MAP3K20: variants seen among roughly 807,000 people sequenced by gnomAD.
MAP3K20 encodes HCCS-4.
Under a neutral mutation model 85.7 loss-of-function variants are expected in MAP3K20, and 40 were observed. That is an observed-to-expected ratio of 0.47 (90% confidence interval 0.36 to 0.61). The LOEUF is 0.61. MAP3K20 is among the 20% of genes least tolerant of loss of function. MAP3K20 has a pLI of 0.00. For missense variants in MAP3K20, 817 were observed against 961.7 expected (o/e 0.85, Z 1.99); for synonymous variants, 325 against 327.7 (o/e 0.99, Z 0.09).
At chr2:173,104,334 T>C (rs1384477612) in intron 2 of MAP3K20, among the ~76,000 whole-genome samples, 2 of 152,102 alleles carry the variant, frequency 1.3e-5, no homozygotes, top group Non-Finnish European at 2.9e-5. Flanking sequence ...ATGAGGAAAA[T>C]ATCAGGCAAA....
chr2:173,121,756 G>A (rs948164670), intron 2 of MAP3K20, among the ~76,000 whole-genome samples: 24 of 144,110 alleles, frequency 1.7e-4, no homozygotes, highest in African/African-American at 4.7e-4. Flanking sequence ...CCGCCCACCC[G>A]CCACCATCAC....
intron 10 of MAP3K20, chr2:173,210,042 T>A (rs1664327243): frequency 3.5e-6 from 2 of 563,608 alleles, no homozygotes; most frequent in Non-Finnish European, 3.1e-6. Context: ...GCTTGTTGCC[T>A]TGTGTAAGTA....
chr2:173,165,214 GC>G (rs1485777697), intron 2 of MAP3K20, among the ~76,000 whole-genome samples: 1 of 151,700 alleles, frequency 6.6e-6, no homozygotes, highest in African/African-American at 2.4e-5. Flanking sequence ...TTCGAGACCA[GC>G]CTGGCCAACA....
At position 173,187,623 on chromosome 2, in the gene MAP3K20, G is replaced by A. The variant is rs1278441322; in HGVS notation, c.415G>A (p.Val139Ile). Residue 139 changes from valine (V) to isoleucine (I), a missense_variant and splice_region_variant, in exon 5 of 20, where the codon GTT becomes ATT. Val to Ile is a conservative substitution (Grantham distance 29). This residue lies in a region of MAP3K20 where 200 missense variants were observed against 302.7 expected (regional missense o/e 0.66). Transcript: ENST00000375213. ...TCACAGAGACCTCAAGTCAAGAAACGGTAATGTAGTTATGTTTTTATTTTA... is the reference window on the plus strand; with the variant it reads ...TCACAGAGACCTCAAGTCAAGAAACAGTAATGTAGTTATGTTTTTATTTTA... The part of the protein sequence containing the change: ...VIHRDLKSRN[V>I]VIAADGVLKI... 2.5e-6 allele frequency: 4 copies of A among 1,604,440 alleles called. No homozygotes were observed. Among genetic ancestry groups the A allele is most frequent in the East Asian group, 2.2e-5 (1 of 44,458 alleles).
chr2:173,139,888 C>A (rs1180027087), intron 2 of MAP3K20, among the ~76,000 whole-genome samples: 1 of 148,080 alleles, frequency 6.8e-6, no homozygotes, highest in Admixed American at 6.7e-5. Context: ...ATATTTACTT[C>A]CTAGATTTTA....
intron 2 of MAP3K20, among the ~76,000 whole-genome samples, chr2:173,092,881 A>G (rs1013971328): frequency 6.6e-6 from 1 of 152,172 alleles, no homozygotes; most frequent in African/African-American, 2.4e-5. Context: ...GAAAGCAGGA[A>G]TTGGAAACTG....
intron 1 of MAP3K20, among the ~76,000 whole-genome samples, chr2:173,089,185 A>G (rs1485025110): frequency 6.7e-6 from 1 of 150,246 alleles, no homozygotes; most frequent in Non-Finnish European, 1.5e-5. Context: ...TTTTTATTTA[A>G]AAAAAAAAAA....
intron 2 of MAP3K20, among the ~76,000 whole-genome samples, chr2:173,143,074 A>G (rs1689024412): frequency 6.6e-6 from 1 of 152,174 alleles, no homozygotes; most frequent in African/African-American, 2.4e-5. Flanking sequence ...ACCCAACTAT[A>G]TGCTATCTAC....
intron 4 of MAP3K20, among the ~76,000 whole-genome samples, chr2:173,183,546 C>T (rs575871091): frequency 6.6e-6 from 1 of 152,130 alleles, no homozygotes; most frequent in African/African-American, 2.4e-5. Flanking sequence ...CTCATACATT[C>T]TTGCATAGAT....
chr2:173,263,870 C>A lies in MAP3K20; in HGVS notation c.1677C>A (p.Gly559=). The A allele has an allele frequency of 1.2e-6, 2 of 1,611,960 alleles. No individual in the cohort carries two copies. Among genetic ancestry groups the A allele is most frequent in the South Asian group, 2.2e-5 (2 of 90,466 alleles). ...AIQTLFTNSD[G]NPGSRSDSSA... Reference sequence around the variant, plus strand: ...AGACATTATTCACCAATTCAGATGGCAACCCTGGAAGCAGGTCCGACTCAA... The same window carrying A: ...AGACATTATTCACCAATTCAGATGGAAACCCTGGAAGCAGGTCCGACTCAA... Residue 559 remains glycine, a synonymous_variant, in exon 19 of 20, where the codon GGC becomes GGA. Coordinates refer to ENST00000375213, the MANE Select transcript of MAP3K20 (RefSeq NM_016653.3).
chr2:173,155,274 G>C (rs1200101905), intron 2 of MAP3K20, among the ~76,000 whole-genome samples: 1 of 152,178 alleles, frequency 6.6e-6, no homozygotes, highest in Non-Finnish European at 1.5e-5. Flanking sequence ...GTAATCTATT[G>C]AGGATGAAAA....
chr2:173,264,976 A>T lies in MAP3K20; in HGVS notation c.1703-1074A>T, dbSNP rs149475725. ...GTGAATATACTAACACTACTGAACT[A>T]GAGGCTTAAAAATGGCTAAGATGGA... On this transcript the variant is annotated intron_variant, in intron 19 of 19. Transcript: ENST00000375213. Among the ~76,000 whole-genome samples the T allele has an allele frequency of 2.0e-5, 3 of 152,352 alleles. No individual in the cohort carries two copies. In the East Asian group the frequency reaches 5.8e-4, roughly 29 times the overall value.
chr2:173,142,345 G>A (rs1353901453), intron 2 of MAP3K20, among the ~76,000 whole-genome samples: 1 of 152,042 alleles, frequency 6.6e-6, no homozygotes, highest in East Asian at 1.9e-4. Flanking sequence ...GGTGGTGGGT[G>A]CCTGTAGTCC....
At chr2:173,230,366 C>G (rs1253370883) in intron 12 of MAP3K20, among the ~76,000 whole-genome samples, 1 of 152,132 alleles carries the variant, frequency 6.6e-6, no homozygotes, top group Non-Finnish European at 1.5e-5. Flanking sequence ...GGCCTCGAGC[C>G]ATGGTAGAGG....
chr2:173,103,697 G>A (rs570821600), intron 2 of MAP3K20, among the ~76,000 whole-genome samples: 215 of 152,282 alleles, frequency 1.4e-3, no homozygotes, highest in African/African-American at 5.1e-3. Flanking sequence ...AACACTTCCA[G>A]TTTTATCTTG....
intron 11 of MAP3K20, chr2:173,227,081 T>C: frequency 1.0e-6 from 1 of 985,902 alleles, no homozygotes; most frequent in Non-Finnish European, 1.2e-6. Context: ...TTCATTTTGA[T>C]GTGAACTTTT....
intron 8 of MAP3K20, among the ~76,000 whole-genome samples, chr2:173,199,901 A>G (rs1314005195): frequency 1.3e-5 from 2 of 152,182 alleles, no homozygotes; most frequent in Non-Finnish European, 2.9e-5. Context: ...ATCACCCATG[A>G]ATAACCTTCA....
chr2:173,222,426 T>C (rs1684277326), intron 11 of MAP3K20: 2 of 985,850 alleles, frequency 2.0e-6, no homozygotes, highest in Non-Finnish European at 2.4e-6. Context: ...TGTTGCAAAC[T>C]TTCATACCAC....
chr2:173,232,527 A>G (rs1684546711), intron 14 of MAP3K20, 68 bp downstream of exon 14: 5 of 1,586,180 alleles, frequency 3.2e-6, no homozygotes, highest in African/African-American at 2.7e-5. Flanking sequence ...TTTTTGAGGC[A>G]GAGTCTTGCT....
Sources: gnomAD v4.1 joint callset for allele counts (sites outside exome capture counted in the v4.1 genomes callset) on GRCh38, gnomAD v4.1.1 for gene constraint, gnomAD v4.1.1 regional missense constraint, MANE v1.5 for transcripts, NCBI Gene and HGNC (gene_info 2026-07-23, HGNC 2026-07-21) for gene names.